Variants in GPHN observed in about 807,000 individuals in gnomAD.
The protein encoded by GPHN is gephyrin.
In GPHN, 17 loss-of-function variants were observed where a neutral mutation model predicts 95.5. The observed-to-expected ratio is 0.18, with a 90% CI of 0.12 to 0.27. The LOEUF is 0.27. Ranked by LOEUF, GPHN falls within the 10% of genes least tolerant of loss-of-function variation. The pLI is 1.00. For synonymous variants in GPHN, 320 were observed against 322.5 expected, an observed-to-expected ratio of 0.99 and a Z score of 0.08; for missense variants, 660 against 978.1, an observed-to-expected ratio of 0.67 and a Z score of 4.34.
chr14:67,526,651 A>G, the GPHN span, among the ~76,000 whole-genome samples: 1 of 152,176 alleles, frequency 6.6e-6, no homozygotes, highest in Non-Finnish European at 1.5e-5. Context: ...TTTAGAGGTG[A>G]CCAAAGCATG....
chr14:66,834,458 A>G (rs983592585), intron 4 of GPHN, among the ~76,000 whole-genome samples: 1 of 152,036 alleles, frequency 6.6e-6, no homozygotes, highest in African/African-American at 2.4e-5. Flanking sequence ...GAGAGTTTTT[A>G]ATATGAAAGT....
chr14:66,608,203 C>T (rs574300258), intron 1 of GPHN, among the ~76,000 whole-genome samples: 80 of 151,886 alleles, frequency 5.3e-4, no homozygotes, highest in Admixed American at 1.8e-3. Context: ...TTGTGAATTT[C>T]GAATAGTTTT....
At chr14:67,323,241 G>A in the GPHN span, among the ~76,000 whole-genome samples, 8 of 113,236 alleles carry the variant, frequency 7.1e-5, no homozygotes, top group Admixed American at 2.5e-4. Flanking sequence ...ACGTGTGTGT[G>A]TGTGTGTGTG....
At chr14:66,641,165 C>G (rs1310317986) in intron 1 of GPHN, among the ~76,000 whole-genome samples, 2 of 152,144 alleles carry the variant, frequency 1.3e-5, no homozygotes, top group Non-Finnish European at 2.9e-5. Context: ...GATGGTTCAA[C>G]TTACAATTGT....
the GPHN span, chr14:67,364,383 T>G: frequency 6.2e-6 from 1 of 162,504 alleles, no homozygotes; most frequent in East Asian, 1.8e-4. Context: ...AAGAGTAGCT[T>G]TAGTTTTCTG....
intron 10 of GPHN, among the ~76,000 whole-genome samples, chr14:67,031,992 A>G (rs1199497771): frequency 6.6e-6 from 1 of 152,180 alleles, no homozygotes; most frequent in Admixed American, 6.5e-5. Context: ...AAAGCAATAT[A>G]TGGTCATAAT....
chr14:67,504,044 C>T, the GPHN span, among the ~76,000 whole-genome samples: 5 of 116,934 alleles, frequency 4.3e-5, no homozygotes, highest in Admixed American at 8.7e-5. Context: ...GACAGGATCT[C>T]GCTCTGTCAC....
chr14:67,147,777 G>A (rs1442354503), intron 18 of GPHN, among the ~76,000 whole-genome samples: 1 of 152,110 alleles, frequency 6.6e-6, no homozygotes, highest in Non-Finnish European at 1.5e-5. Flanking sequence ...TTCCCGTAAA[G>A]CAAACAATTT....
At chr14:67,711,585 C>T in the GPHN span, among the ~76,000 whole-genome samples, 3 of 152,110 alleles carry the variant, frequency 2.0e-5, no homozygotes, top group Non-Finnish European at 2.9e-5. Flanking sequence ...ACATTGTGTA[C>T]ACAACACATA....
chr14:67,704,988 G>A, the GPHN span, among the ~76,000 whole-genome samples: 1 of 152,220 alleles, frequency 6.6e-6, no homozygotes, highest in African/African-American at 2.4e-5. Context: ...GGTCTAGGTA[G>A]TCCAGGGAGG....
intron 1 of GPHN, among the ~76,000 whole-genome samples, chr14:66,528,273 C>A (rs1342237147): frequency 6.6e-6 from 1 of 152,160 alleles, no homozygotes; most frequent in Non-Finnish European, 1.5e-5. Flanking sequence ...TTATCAGAAA[C>A]TAGGATTGCC....
chr14:67,245,232 C>T, the GPHN span, among the ~76,000 whole-genome samples: 1 of 152,204 alleles, frequency 6.6e-6, no homozygotes, highest in African/African-American at 2.4e-5. Context: ...CATTGTCAGG[C>T]TGGGTTTGAA....
chr14:67,190,503 G>A, the GPHN span, among the ~76,000 whole-genome samples: 10 of 152,302 alleles, frequency 6.6e-5, no homozygotes, highest in South Asian at 8.3e-4. Context: ...GATTACAGGC[G>A]TGAGCCGTTG....
intron 10 of GPHN, among the ~76,000 whole-genome samples, chr14:67,057,260 G>A (rs767584900): frequency 4.6e-5 from 7 of 152,198 alleles, no homozygotes; most frequent in East Asian, 3.9e-4. Context: ...CTATGCAGCC[G>A]TAAAAAGGAA....
At chr14:66,745,902 T>C (rs984685063) in intron 2 of GPHN, among the ~76,000 whole-genome samples, 3 of 152,182 alleles carry the variant, frequency 2.0e-5, no homozygotes, top group Non-Finnish European at 4.4e-5. Flanking sequence ...CTGTTTTACA[T>C]CACTATAGTT....
chr14:67,062,546 A>G (rs553006929), intron 11 of GPHN, among the ~76,000 whole-genome samples: 19 of 152,246 alleles, frequency 1.2e-4, no homozygotes, highest in Non-Finnish European at 2.5e-4. Context: ...CTTAACATGT[A>G]GAGAAAATGC....
the GPHN span, chr14:67,717,957 C>T: frequency 6.6e-6 from 1 of 152,206 alleles, no homozygotes; most frequent in African/African-American, 2.4e-5. Flanking sequence ...TTGCTGATCC[C>T]TTGAAAAATC....
At chr14:66,638,880 A>G (rs1293885219) in intron 1 of GPHN, among the ~76,000 whole-genome samples, 1 of 152,082 alleles carries the variant, frequency 6.6e-6, no homozygotes, top group Non-Finnish European at 1.5e-5. Context: ...ACACATTCCA[A>G]GATGCATTTC....
chr14:67,305,540 C>T, the GPHN span, among the ~76,000 whole-genome samples: 4 of 152,208 alleles, frequency 2.6e-5, no homozygotes, highest in South Asian at 2.1e-4. Flanking sequence ...CTCGGCCTCC[C>T]GAAGTGTTGG....
Sources: allele counts gnomAD v4.1 joint callset (sites outside exome capture counted in the v4.1 genomes callset), GRCh38; gene constraint gnomAD v4.1.1; transcripts MANE v1.5; gene names NCBI Gene and HGNC (gene_info 2026-07-23, HGNC 2026-07-21).